Variants in CELF4 observed in about 807,000 individuals in gnomAD.
CELF4 encodes CUGBP Elav-like family member 4, also known as CUG-BP- and ETR-3-like factor 4.
In CELF4, 18 loss-of-function variants were observed where a neutral mutation model predicts 59.9. The ratio of observed to expected loss-of-function variants is 0.30; its 90% CI spans 0.21 to 0.45. CELF4 has a LOEUF of 0.45. Ranked by LOEUF, CELF4 falls within the 20% of genes least tolerant of loss-of-function variation. CELF4 has a pLI of 1.00. For synonymous variants in CELF4, 261 were observed against 267.1 expected, an observed-to-expected ratio of 0.98 and a Z score of 0.22; for missense variants, 456 against 689.0, an observed-to-expected ratio of 0.66 and a Z score of 3.79.
chr18:37,254,329 C>T lies in CELF4; in HGVS notation c.1334-391G>A, dbSNP rs1196322203. ...CCTGCGGGTGGAGGAGTTTATTGGA[C>T]ACTGTCCTCCCTGACAGGAGGGGGC... On this transcript the variant is annotated intron_variant, in intron 11 of 12. Transcript: ENST00000420428. The surrounding 1 kb of genome is among the most constrained non-coding windows in gnomAD (Gnocchi z 5.1). Among the ~76,000 whole-genome samples the T allele has an allele frequency of 1.3e-5, 2 of 151,824 alleles. No individual in the cohort carries two copies. Among genetic ancestry groups the T allele is most frequent in the African/African-American group, 2.4e-5 (1 of 41,382 alleles).
At chr18:37,400,919 G>A (rs1042290679) in intron 2 of CELF4, among the ~76,000 whole-genome samples, 1 of 152,248 alleles carries the variant, frequency 6.6e-6, no homozygotes, top group African/African-American at 2.4e-5. Context: ...ACAGGGCTGA[G>A]GGCGGCTGAT....
rs2099971750 is a variant in CELF4 at position 37,534,273 on chromosome 18, T to G, written c.286+31083A>C. ...CATTAATCATCGGCCCCTAGCTGGC[T>G]GCATACTGGGTGCTGGGGAGGGGGA... On this transcript the variant is annotated intron_variant, in intron 1 of 12. Transcript: ENST00000420428. Among the ~76,000 whole-genome samples the G allele has an allele frequency of 2.0e-5, 3 of 152,118 alleles. No individual in the cohort carries two copies. In the East Asian group the frequency reaches 5.8e-4, roughly 29 times the overall value.
intron 2 of CELF4, among the ~76,000 whole-genome samples, chr18:37,422,270 C>T (rs1333186284): frequency 1.3e-5 from 2 of 152,230 alleles, no homozygotes; most frequent in Admixed American, 6.5e-5. Context: ...CAGCTGCCTC[C>T]CAACTATGAT....
At chr18:37,355,498 C>A (rs1462887416) in intron 2 of CELF4, among the ~76,000 whole-genome samples, 6 of 152,022 alleles carry the variant, frequency 3.9e-5, no homozygotes, top group African/African-American at 1.4e-4. Context: ...CATGGAGAAG[C>A]CCTGTCTCTA....
At chr18:37,397,067 C>A (rs537324365) in intron 2 of CELF4, among the ~76,000 whole-genome samples, 43 of 152,206 alleles carry the variant, frequency 2.8e-4, no homozygotes, top group African/African-American at 9.1e-4. Context: ...GGGAGGTGAG[C>A]GGATGGCGGC....
rs111396630 is a variant in CELF4, at chr18:37,470,097, C to G, written c.369+15428G>C. Among the ~76,000 whole-genome samples the G allele has an allele frequency of 6.0e-3, 919 of 152,278 alleles. 11 individuals carry two copies. The highest frequency in any genetic ancestry group is 0.021 in the African/African-American group (857 of 41,554). ...TTAGATACTGAATACTTAAGGAGTT[C>G]GCTGAAGTCTTTGTAGATTTCAATG... On this transcript the variant is annotated intron_variant, in intron 2 of 12. Coordinates refer to ENST00000420428, the MANE Select transcript of CELF4 (RefSeq NM_020180.4).
intron 2 of CELF4, among the ~76,000 whole-genome samples, chr18:37,342,835 G>T (rs1478211738): frequency 6.6e-6 from 1 of 152,254 alleles, no homozygotes; most frequent in Non-Finnish European, 1.5e-5. Flanking sequence ...ACTCCCATTA[G>T]TGCAAGGAAG....
intron 2 of CELF4, among the ~76,000 whole-genome samples, chr18:37,388,505 C>T (rs752764143): frequency 1.3e-4 from 19 of 151,958 alleles, no homozygotes; most frequent in Admixed American, 3.3e-4. Context: ...CCTCTCCCTC[C>T]CCAAGGCCAG....
At chr18:37,342,254 C>T (rs966937749) in intron 2 of CELF4, among the ~76,000 whole-genome samples, 17 of 151,996 alleles carry the variant, frequency 1.1e-4, no homozygotes, top group Non-Finnish European at 4.4e-5. Flanking sequence ...CACACACACA[C>T]ACACACACAC....
At chr18:37,506,556 G>T (rs997952994) in intron 1 of CELF4, among the ~76,000 whole-genome samples, 1 of 152,204 alleles carries the variant, frequency 6.6e-6, no homozygotes, top group African/African-American at 2.4e-5. Context: ...GATGGAGAGG[G>T]AGGTTGGGCA....
At position 37,323,496 on chromosome 18, in the gene CELF4, A is replaced by G. The variant is rs1053386096; in HGVS notation, c.370-1615T>C. 2.2e-4 allele frequency among the ~76,000 whole-genome samples: 33 copies of G among 152,166 alleles called. 1 individual carries two copies. The highest frequency in any genetic ancestry group is 7.7e-4 in the African/African-American group (32 of 41,438). ...TCCAGTCTTTGAGGGAAAGATCCAGAAGGCCGCCCAGGCATCTGGCTATGG... is the reference window on the plus strand; with the variant it reads ...TCCAGTCTTTGAGGGAAAGATCCAGGAGGCCGCCCAGGCATCTGGCTATGG... On this transcript the variant is annotated intron_variant, in intron 2 of 12. Coordinates refer to ENST00000420428, the MANE Select transcript of CELF4 (RefSeq NM_020180.4).
intron 2 of CELF4, among the ~76,000 whole-genome samples, chr18:37,365,735 C>T (rs2098771647): frequency 6.6e-6 from 1 of 152,118 alleles, no homozygotes; most frequent in African/African-American, 2.4e-5. Flanking sequence ...ATCCGCCCGC[C>T]TTGGCCTCCC....
intron 2 of CELF4, among the ~76,000 whole-genome samples, chr18:37,468,921 T>A (rs2099814989): frequency 6.6e-6 from 1 of 152,128 alleles, no homozygotes; most frequent in Non-Finnish European, 1.5e-5. Context: ...ACGTGGGGAT[T>A]ATGGGTATTA....
intron 2 of CELF4, among the ~76,000 whole-genome samples, chr18:37,426,963 T>TA (rs550664681): frequency 0.62 from 63,838 of 102,412 alleles, 18,302 homozygotes; most frequent in Middle Eastern, 0.76. Flanking sequence ...TTACAAGGAG[T>TA]AAAAAAAAAA....
chr18:37,562,584 C>T (rs2099986898), intron 1 of CELF4, among the ~76,000 whole-genome samples: 1 of 152,146 alleles, frequency 6.6e-6, no homozygotes, highest in African/African-American at 2.4e-5. Context: ...ATGGGGAAAT[C>T]TAGAAACCAA....
intron 3 of CELF4, among the ~76,000 whole-genome samples, chr18:37,312,216 T>A (rs928447701): frequency 8.3e-5 from 12 of 144,424 alleles, no homozygotes; most frequent in Non-Finnish European, 1.7e-4. Context: ...GGGAACCTAA[T>A]GGCTGGAAAT....
At chr18:37,496,300 T>C (rs2099925148) in intron 1 of CELF4, among the ~76,000 whole-genome samples, 1 of 152,300 alleles carries the variant, frequency 6.6e-6, no homozygotes, top group South Asian at 2.1e-4. Flanking sequence ...GGACCTCTTC[T>C]CTGGAACCCC....
chr18:37,358,429 T>C (rs1352323448), intron 2 of CELF4, among the ~76,000 whole-genome samples: 1 of 152,182 alleles, frequency 6.6e-6, no homozygotes, highest in African/African-American at 2.4e-5. Context: ...CATTATACTT[T>C]CCTTTGTAAA....
chr18:37,496,321 C>A (rs1343098509), intron 1 of CELF4, among the ~76,000 whole-genome samples: 1 of 152,162 alleles, frequency 6.6e-6, no homozygotes, highest in African/African-American at 2.4e-5. Context: ...CTTACCAAGC[C>A]CCAGGATGGG....
Sources: gnomAD v4.1 joint callset for allele counts (sites outside exome capture counted in the v4.1 genomes callset) on GRCh38, gnomAD v4.1.1 for gene constraint, Gnocchi (gnomAD v3.1) non-coding constraint, MANE v1.5 for transcripts, NCBI Gene and HGNC (gene_info 2026-07-23, HGNC 2026-07-21) for gene names.